Variants in PTPN21 observed in about 807,000 individuals in gnomAD.
The protein encoded by PTPN21 is protein tyrosine phosphatase non-receptor type 21.
Under a neutral mutation model 131.8 loss-of-function variants are expected in PTPN21, and 77 were observed. That is an observed-to-expected ratio of 0.58 (90% CI 0.49 to 0.71). The LOEUF is 0.71. Ranked by LOEUF, PTPN21 falls within the 30% of genes least tolerant of loss-of-function variation. The pLI is 0.00. For missense variants in PTPN21, 1,552 were observed against 1,527.1 expected (o/e 1.02, Z -0.27); for synonymous variants, 715 against 621.3 (o/e 1.15, Z -2.24).
In PTPN21 at chr14:88,480,327, G is replaced by A. The variant is rs146254115; in HGVS notation, c.1104C>T (p.Asn368=). The part of the protein sequence containing the change: ...SQDNLFVPNQ[N]GYYCHSQTSL... ...TTGTCTGAGAGTGACAGTAGTATCC[G>A]TTCTGGTTGGGCACAAAGAGGTTAT... The change falls in exon 13 of 19, where the codon AAC becomes AAT. Residue 368 remains asparagine (N), a synonymous_variant. Coordinates refer to ENST00000556564, the MANE Select transcript of PTPN21 (RefSeq NM_007039.4). The A allele has an allele frequency of 2.4e-5, 39 of 1,612,894 alleles. No homozygotes were observed. In the African/African-American group the frequency reaches 4.7e-4, roughly 19 times the overall value.
intron 12 of PTPN21, among the ~76,000 whole-genome samples, chr14:88,481,821 G>A (rs73314161): frequency 0.037 from 5,625 of 152,266 alleles, 349 homozygotes; most frequent in African/African-American, 0.13. Flanking sequence ...ACCTCTCAGA[G>A]CACGCAGGGT....
Position 88,505,310 on chromosome 14 carries a change from A to C in PTPN21, c.510T>G (p.Phe170Leu), listed in dbSNP as rs1464844629. 2.5e-6 allele frequency: 4 copies of C among 1,604,794 alleles called. No individual in the cohort carries two copies. Among genetic ancestry groups the C allele is most frequent in the Non-Finnish European group, 3.4e-6 (4 of 1,172,440 alleles). ...SQDFLQKFAL[F>L]PVGWLQDEKV... ...GTGTCAAAAGAAGTCTTACCACAGGAAACAAGGCAAATTTCTGAAGAAAGT... is the reference window on the plus strand; with the variant it reads ...GTGTCAAAAGAAGTCTTACCACAGGCAACAAGGCAAATTTCTGAAGAAAGT... Residue 170 changes from phenylalanine (F) to leucine (L), a missense_variant, in exon 5 of 19, where the codon TTT (phenylalanine) becomes TTG (leucine). This residue lies in a region of PTPN21 where 206 missense variants were observed against 221.6 expected (regional missense o/e 0.93). Coordinates refer to ENST00000556564, the MANE Select transcript of PTPN21 (RefSeq NM_007039.4).
At position 88,484,348 on chromosome 14, in the gene PTPN21, T is replaced by C. The variant is rs142728613; in HGVS notation, c.1078+728A>G. ...GGTATAGCCCCATACAGAGAGAGTA[T>C]AGAGTAAATGTTAATTGACTGCTTA... is the stretch of plus-strand genomic sequence containing the variant. On this transcript the variant is annotated intron_variant, in intron 12 of 18. Transcript: ENST00000556564. Among the ~76,000 whole-genome samples the C allele has an allele frequency of 1.9e-3, 285 of 152,088 alleles. 1 individual carries two copies. Among genetic ancestry groups the C allele is most frequent in the African/African-American group, 6.7e-3 (276 of 41,494 alleles).
Position 88,480,104 on chromosome 14 carries a change from G to C in PTPN21, c.1327C>G (p.Pro443Ala), listed in dbSNP as rs150296386. The C allele has an allele frequency of 8.1e-6, 13 of 1,614,076 alleles. No homozygotes were observed. The highest frequency in any genetic ancestry group is 5.0e-5 in the Admixed American group (3 of 60,008). ...PSHRHSAVIP[P>A]SYRPTPDYET... Reference sequence around the variant, plus strand: ...TAGTCTGGGGTGGGGCGGTAGGACGGGGGTATCACGGCGCTGTGCCGATGG... The same window carrying C: ...TAGTCTGGGGTGGGGCGGTAGGACGCGGGTATCACGGCGCTGTGCCGATGG... Residue 443 changes from proline (P) to alanine (A), a missense_variant, in exon 13 of 19, where the codon CCG becomes GCG. Around this residue, in one of 4 missense-constraint regions of PTPN21, gnomAD observed 1,016 missense variants for 883.5 expected, o/e 1.15. Transcript: ENST00000556564.
At position 88,479,778 on chromosome 14, in the gene PTPN21, G is replaced by C. The variant is rs199845483; in HGVS notation, c.1653C>G (p.Asp551Glu). ...ELTNAQLQAQDYPSPNIMRTQ... is the reference protein window; with the variant it reads ...ELTNAQLQAQEYPSPNIMRTQ... ...TCCGCATGATGTTGGGAGACGGGTAGTCCTGCGCCTGCAGCTGCGCATTGG... is the reference window on the plus strand; with the variant it reads ...TCCGCATGATGTTGGGAGACGGGTACTCCTGCGCCTGCAGCTGCGCATTGG... The change falls in exon 13 of 19, where the codon GAC becomes GAG. Residue 551 changes from aspartate to glutamate, a missense_variant. By Grantham distance (45) the Asp-to-Glu change is conservative. Transcript: ENST00000556564. 22 of 1,546,210 alleles carry C rather than the reference G, an allele frequency of 1.4e-5. No individual in the cohort carries two copies. Among genetic ancestry groups the C allele is most frequent in the Non-Finnish European group, 1.8e-5 (21 of 1,153,128 alleles).
intron 2 of PTPN21, among the ~76,000 whole-genome samples, chr14:88,522,879 G>T (rs911892872): frequency 6.6e-6 from 1 of 151,930 alleles, no homozygotes; most frequent in Non-Finnish European, 1.5e-5. Flanking sequence ...AAAATAGGTA[G>T]GTGGAGCTTG....
rs140835165 is a variant in PTPN21, at chr14:88,525,960, T to C, written c.181-8699A>G. 1.2e-3 allele frequency among the ~76,000 whole-genome samples: 190 copies of C among 152,282 alleles called. 1 individual carries two copies. Among genetic ancestry groups the C allele is most frequent in the African/African-American group, 4.5e-3 (185 of 41,560 alleles). On this transcript the variant is annotated intron_variant, in intron 2 of 18. Coordinates refer to ENST00000556564, the MANE Select transcript of PTPN21 (RefSeq NM_007039.4). The stretch of plus-strand genomic sequence containing the variant: ...AGCAGCCAGAAGACAAAAGGTCAAA[T>C]ATTGTATAATTCTGTTTATATGAAA...
chr14:88,480,754 CTG>C (rs2077642363), intron 12 of PTPN21, among the ~76,000 whole-genome samples: 1 of 152,194 alleles, frequency 6.6e-6, no homozygotes. Flanking sequence ...CAAGCACCAA[CTG>C]TCTGTAAGCA....
In PTPN21 at chr14:88,479,212, G is replaced by A. The variant is rs916414237; in HGVS notation, c.2219C>T (p.Ala740Val). Residue 740 changes from alanine (A) to valine (V), a missense_variant, in exon 13 of 19, where the codon GCC becomes GTC. Ala to Val is a moderately conservative substitution (Grantham distance 64). Transcript: ENST00000556564. ...GCGAGGGCAGCCAGGTGGGTCCTGG[G>A]CCAGGCCGGGCCGAGGCTCGCGCGC... ...ARAREPRPGL[A>V]QDPPGCPRVL... 1.9e-6 allele frequency: 3 copies of A among 1,595,392 alleles called. No homozygotes were observed. The highest frequency in any genetic ancestry group is 2.6e-6 in the Non-Finnish European group (3 of 1,171,384).
intron 6 of PTPN21, among the ~76,000 whole-genome samples, chr14:88,502,936 G>A (rs1204902511): frequency 8.5e-5 from 13 of 152,118 alleles, no homozygotes; most frequent in Admixed American, 7.9e-4. Context: ...TTTGAGTGGA[G>A]AGAGACTAGA....
At chr14:88,493,414 G>A (rs1448494651) in intron 10 of PTPN21, among the ~76,000 whole-genome samples, 5 of 152,198 alleles carry the variant, frequency 3.3e-5, no homozygotes, top group Non-Finnish European at 7.4e-5. Context: ...AAAGGCCTGG[G>A]CTGGGGGCAT....
chr14:88,522,006 T>G (rs2078401771), intron 2 of PTPN21, among the ~76,000 whole-genome samples: 1 of 152,204 alleles, frequency 6.6e-6, no homozygotes, highest in Non-Finnish European at 1.5e-5. Context: ...GCAACATGAA[T>G]TAGAAAATCA....
intron 7 of PTPN21, 48 bp downstream of exon 7, chr14:88,501,233 A>G (rs2140131110): frequency 6.8e-7 from 1 of 1,481,186 alleles, no homozygotes; most frequent in Non-Finnish European, 9.4e-7. Context: ...ATTTTCTCAA[A>G]TTTGTAAGCC....
At position 88,469,687 on chromosome 14, in the gene PTPN21, G is replaced by C; in HGVS notation, c.3047C>G (p.Ser1016Cys). The C allele has an allele frequency of 1.2e-6, 2 of 1,614,136 alleles. No homozygotes were observed. Among genetic ancestry groups the C allele is most frequent in the Non-Finnish European group, 1.7e-6 (2 of 1,180,020 alleles). ...KSFRYWPRLG[S>C]RHNTVTYGRF... ...TCCATAGGTGACAGTGTTGTGCCTG[G>C]AACCAAGTCGTGGCCAGTACCTAAA... is the stretch of plus-strand genomic sequence containing the variant. Residue 1016 changes from serine to cysteine, a missense_variant, in exon 17 of 19, where the codon TCC becomes TGC. Physicochemically the swap from Ser to Cys is moderately radical, Grantham distance 112. Coordinates refer to ENST00000556564, the MANE Select transcript of PTPN21 (RefSeq NM_007039.4). The surrounding 1 kb of genome is among the most constrained non-coding windows in gnomAD (Gnocchi z 4.3).
Position 88,468,930 on chromosome 14 carries a change from G to C in PTPN21, c.3382C>G (p.Leu1128Val). 1 of 1,614,162 alleles carries C rather than the reference G, an allele frequency of 6.2e-7. No individual in the cohort carries two copies. The highest frequency in any genetic ancestry group is 8.5e-7 in the Non-Finnish European group (1 of 1,180,036). ...VILSEIMIACLEHNEVLDIPR... is the reference protein window; with the variant it reads ...VILSEIMIACVEHNEVLDIPR... Reference sequence around the variant, plus strand: ...AGCGCCATCACCTCATTGTGTTCCAGGCAGGCGATCATGATCTCCGACAAA... The same window carrying C: ...AGCGCCATCACCTCATTGTGTTCCACGCAGGCGATCATGATCTCCGACAAA... The change falls in exon 18 of 19, where the codon CTG becomes GTG. Residue 1128 changes from leucine (L) to valine (V), a missense_variant. This residue lies in a region of PTPN21 where 316 missense variants were observed against 378.5 expected (regional missense o/e 0.83). Coordinates refer to ENST00000556564, the MANE Select transcript of PTPN21 (RefSeq NM_007039.4).
chr14:88,492,839 C>T, intron 10 of PTPN21: 1 of 276,740 alleles, frequency 3.6e-6, no homozygotes, highest in Non-Finnish European at 7.1e-6. Flanking sequence ...ACTCCGGCTC[C>T]CATTGTTCAC....
In PTPN21 at chr14:88,478,900, C is replaced by A; in HGVS notation, c.2511+20G>T. 1 of 1,450,806 alleles carries A rather than the reference C, an allele frequency of 6.9e-7. No individual in the cohort carries two copies. Among genetic ancestry groups the A allele is most frequent in the Non-Finnish European group, 9.1e-7 (1 of 1,101,950 alleles). The allele number at this position is 1,450,806 out of a possible 1,614,324, so 89.9% of individuals were successfully genotyped here. On this transcript the variant is annotated intron_variant, in intron 13 of 18. Transcript: ENST00000556564. Reference sequence around the variant, plus strand: ...GAACGCGCGGTCCCCTGGCCCGGCACTGCTCGCCGCGTGGCTTACCCCTAG... The same window carrying A: ...GAACGCGCGGTCCCCTGGCCCGGCAATGCTCGCCGCGTGGCTTACCCCTAG...
Position 88,474,147 on chromosome 14 carries a change from A to C in PTPN21, c.2512-345T>G, listed in dbSNP as rs1016744268. 1.5e-4 allele frequency among the ~76,000 whole-genome samples: 20 copies of C among 136,268 alleles called. 1 individual carries two copies. Among genetic ancestry groups the C allele is most frequent in the African/African-American group, 6.4e-4 (18 of 28,172 alleles). 89.4% of individuals were successfully genotyped at this position (136,268 alleles called of 152,430 possible). On this transcript the variant is annotated intron_variant, in intron 13 of 18. Coordinates refer to ENST00000556564, the MANE Select transcript of PTPN21 (RefSeq NM_007039.4). ...GCTGAAGTCCAAAAAAAAAAAAAAA[A>C]AAAAAAAACAAAAGCTTTAAATGCA...
chr14:88,523,558 T>TCA (rs1362460032), intron 2 of PTPN21, among the ~76,000 whole-genome samples: 5 of 152,182 alleles, frequency 3.3e-5, no homozygotes, highest in African/African-American at 4.8e-5. Context: ...ATGCCCATGT[T>TCA]CACCACTGCC....
Sources: gnomAD v4.1 joint callset for allele counts (sites outside exome capture counted in the v4.1 genomes callset) on GRCh38, gnomAD v4.1.1 for gene constraint, gnomAD v4.1.1 regional missense constraint, Gnocchi (gnomAD v3.1) non-coding constraint, MANE v1.5 for transcripts, NCBI Gene and HGNC (gene_info 2026-07-23, HGNC 2026-07-21) for gene names.